The following RALYL variants were observed in gnomAD, a reference collection of about 807,000 sequenced individuals.
RALYL encodes RNA-binding Raly-like protein.
A neutral mutation model predicts 35.1 loss-of-function variants in RALYL; 29 were observed. That is an observed-to-expected ratio of 0.83 (90% confidence interval 0.61 to 1.13). The LOEUF is 1.13. Among genes scored for constraint, RALYL ranks in the 50% most tolerant of loss-of-function variants. RALYL has a pLI of 0.00. For synonymous variants in RALYL, 120 were observed against 127.6 expected, an observed-to-expected ratio of 0.94 and a Z score of 0.40; for missense variants, 359 against 360.4, an observed-to-expected ratio of 1.00 and a Z score of 0.03.
chr8:84,365,894 A>G (rs1165004567), intron 1 of RALYL, among the ~76,000 whole-genome samples: 3 of 152,324 alleles, frequency 2.0e-5, no homozygotes, highest in Middle Eastern at 3.4e-3. Context: ...AATAGTAGCT[A>G]GGAGGTCCCT....
chr8:84,500,363 C>T (rs1332351899), intron 1 of RALYL, among the ~76,000 whole-genome samples: 1 of 152,124 alleles, frequency 6.6e-6, no homozygotes, highest in African/African-American at 2.4e-5. Flanking sequence ...CATTTACACA[C>T]ACTTATCACA....
intron 3 of RALYL, among the ~76,000 whole-genome samples, chr8:84,774,942 A>T (rs1298501306): frequency 1.3e-5 from 2 of 151,946 alleles, no homozygotes; most frequent in East Asian, 3.9e-4. Flanking sequence ...ATGTTGGTTA[A>T]CTTTTTTTAT....
intron 1 of RALYL, among the ~76,000 whole-genome samples, chr8:84,388,459 C>G (rs1859785045): frequency 6.6e-6 from 1 of 152,194 alleles, no homozygotes; most frequent in Non-Finnish European, 1.5e-5. Context: ...GTCCCACCAA[C>G]AGTGTAAAAG....
intron 2 of RALYL, among the ~76,000 whole-genome samples, chr8:84,685,332 A>G (rs1490271554): frequency 6.6e-6 from 1 of 152,090 alleles, no homozygotes; most frequent in Non-Finnish European, 1.5e-5. Flanking sequence ...ATTGTAACCC[A>G]TCAACTCTAT....
chr8:84,361,287 A>G (rs1852959988), intron 1 of RALYL, among the ~76,000 whole-genome samples: 1 of 152,196 alleles, frequency 6.6e-6, no homozygotes, highest in South Asian at 2.1e-4. Context: ...TTGGTGTTTC[A>G]GCCTCCTGGA....
intron 1 of RALYL, among the ~76,000 whole-genome samples, chr8:84,416,912 T>C (rs947804350): frequency 1.3e-5 from 2 of 152,162 alleles, no homozygotes; most frequent in Admixed American, 6.5e-5. Context: ...TACTTTTTGT[T>C]TTGTATAATG....
intron 1 of RALYL, among the ~76,000 whole-genome samples, chr8:84,242,585 A>C (rs560895363): frequency 6.6e-6 from 1 of 152,312 alleles, no homozygotes; most frequent in African/African-American, 2.4e-5. Context: ...TCTAATGATC[A>C]GTGATGTTGA....
chr8:84,632,347 C>A (rs914459511), intron 2 of RALYL, among the ~76,000 whole-genome samples: 1 of 151,886 alleles, frequency 6.6e-6, no homozygotes, highest in Non-Finnish European at 1.5e-5. Flanking sequence ...ACTTCCATTT[C>A]CATCTTTAAA....
intron 1 of RALYL, among the ~76,000 whole-genome samples, chr8:84,332,471 AT>A (rs1482331707): frequency 6.6e-6 from 1 of 152,118 alleles, no homozygotes; most frequent in Non-Finnish European, 1.5e-5. Context: ...GGGCAGGGGA[AT>A]TCTCGGAGCA....
At chr8:84,367,304 C>T (rs1488364096) in intron 1 of RALYL, among the ~76,000 whole-genome samples, 1 of 126,568 alleles carries the variant, frequency 7.9e-6, no homozygotes, top group Non-Finnish European at 1.7e-5. Flanking sequence ...CCATCCTGCC[C>T]AACTAATTTT....
chr8:84,292,649 C>T (rs1838985042), intron 1 of RALYL, among the ~76,000 whole-genome samples: 1 of 152,130 alleles, frequency 6.6e-6, no homozygotes, highest in Non-Finnish European at 1.5e-5. Context: ...ACGAGAGTGA[C>T]CGCTGGTCAT....
At chr8:84,553,649 C>T (rs983259852) in intron 2 of RALYL, among the ~76,000 whole-genome samples, 3 of 151,746 alleles carry the variant, frequency 2.0e-5, no homozygotes, top group Non-Finnish European at 4.4e-5. Flanking sequence ...GGAAGTATTT[C>T]TAAAAGAATA....
intron 7 of RALYL, among the ~76,000 whole-genome samples, chr8:84,882,939 T>G (rs888987334): frequency 1.2e-4 from 18 of 152,092 alleles, no homozygotes; most frequent in African/African-American, 3.6e-4. Flanking sequence ...GAATCAAAAC[T>G]GCCTATTAAA....
At chr8:84,257,095 A>T (rs1038766603) in intron 1 of RALYL, among the ~76,000 whole-genome samples, 1 of 151,994 alleles carries the variant, frequency 6.6e-6, no homozygotes, top group Non-Finnish European at 1.5e-5. Flanking sequence ...AAATATACTG[A>T]TAAGATATTT....
intron 1 of RALYL, among the ~76,000 whole-genome samples, chr8:84,235,472 A>G (rs1293271633): frequency 6.6e-6 from 1 of 152,162 alleles, no homozygotes; most frequent in East Asian, 1.9e-4. Context: ...GTATTAAACC[A>G]TTTCTTGTTG....
chr8:84,523,101 T>G (rs1351547061), intron 1 of RALYL, among the ~76,000 whole-genome samples: 1 of 151,994 alleles, frequency 6.6e-6, no homozygotes, highest in Non-Finnish European at 1.5e-5. Context: ...ACTGTATTAG[T>G]CCATTCTCGT....
At position 84,704,484 on chromosome 8, in the gene RALYL, A is replaced by C. The variant is rs936519284; in HGVS notation, c.257-70095A>C. On this transcript the variant is annotated intron_variant, in intron 2 of 8. Transcript: ENST00000521268. ...ACACACACACACACACACACACACAACAACTCATTTATTCCACAAATGTTT... is the reference window on the plus strand; with the variant it reads ...ACACACACACACACACACACACACACCAACTCATTTATTCCACAAATGTTT... Among the ~76,000 whole-genome samples the C allele has an allele frequency of 1.2e-4, 15 of 129,634 alleles. No homozygotes were observed. In the South Asian group the frequency reaches 3.4e-3, roughly 30 times the overall value. The allele number at this position is 129,634 out of a possible 152,430, so 85.0% of individuals were successfully genotyped here.
At chr8:84,582,723 C>T (rs1811110938) in intron 2 of RALYL, among the ~76,000 whole-genome samples, 1 of 151,888 alleles carries the variant, frequency 6.6e-6, no homozygotes, top group African/African-American at 2.4e-5. Context: ...TAGTATCTCT[C>T]CATTGCTAAC....
intron 1 of RALYL, among the ~76,000 whole-genome samples, chr8:84,240,291 TTAA>T (rs2054801264): frequency 6.6e-6 from 1 of 152,206 alleles, no homozygotes; most frequent in African/African-American, 2.4e-5. Flanking sequence ...ATTGTTCTAT[TTAA>T]AATTCTCTTT....
Sources: gnomAD v4.1 joint callset for allele counts (sites outside exome capture counted in the v4.1 genomes callset) on GRCh38, gnomAD v4.1.1 for gene constraint, MANE v1.5 for transcripts, NCBI Gene and HGNC (gene_info 2026-07-23, HGNC 2026-07-21) for gene names.